Variants in FAM83B observed in about 807,000 individuals in gnomAD.
FAM83B encodes scaffolding CK1 anchoring protein B.
FAM83B carries 26 observed loss-of-function variants against 38.8 expected under a neutral mutation model. The ratio of observed to expected loss-of-function variants is 0.67; its 90% CI spans 0.49 to 0.93. The LOEUF (loss-of-function observed/expected upper bound fraction) is 0.93, where lower values mean the gene tolerates loss of function less well. Ranked by LOEUF, FAM83B falls within the 40% of genes least tolerant of loss-of-function variation. The probability of loss-of-function intolerance (pLI) is 0.00; values close to 1 mark genes in which losing one functional copy is unlikely to be tolerated. For synonymous variants in FAM83B, 419 were observed against 423.1 expected (o/e 0.99, Z 0.12); for missense variants, 1,237 against 1,197.3 (o/e 1.03, Z -0.49).
At chr6:54,854,936 A>G (rs1232097196) in intron 1 of FAM83B, among the ~76,000 whole-genome samples, 2 of 152,202 alleles carry the variant, frequency 1.3e-5, no homozygotes, top group African/African-American at 4.8e-5. Flanking sequence ...TTCACAATGG[A>G]ACACGTGTGC....
chr6:54,888,720 G>A (rs1226540845), intron 2 of FAM83B, among the ~76,000 whole-genome samples: 1 of 151,756 alleles, frequency 6.6e-6, no homozygotes. Context: ...GTAACTAGGG[G>A]AACAGTTTTT....
chr6:54,847,201 G>A (rs1771158901), intron 1 of FAM83B, among the ~76,000 whole-genome samples: 1 of 151,522 alleles, frequency 6.6e-6, no homozygotes, highest in African/African-American at 2.4e-5. Flanking sequence ...CCCCGGGAGG[G>A]GAAGCGGGAG....
intron 2 of FAM83B, among the ~76,000 whole-genome samples, chr6:54,883,395 G>A (rs1324243987): frequency 1.3e-5 from 2 of 148,206 alleles, no homozygotes; most frequent in African/African-American, 5.0e-5. Context: ...AGTGCAATGG[G>A]GCAATCTTGG....
chr6:54,908,131 GAAAA>G (rs200867108), intron 2 of FAM83B, among the ~76,000 whole-genome samples: 6 of 138,988 alleles, frequency 4.3e-5, no homozygotes, highest in Non-Finnish European at 7.9e-5. Flanking sequence ...GGATTTCATG[GAAAA>G]AAAAAAAAAA....
chr6:54,875,041 G>T lies in FAM83B; in HGVS notation c.444+4351G>T, dbSNP rs554114728. On this transcript the variant is annotated intron_variant, in intron 2 of 4. Coordinates refer to ENST00000306858, the MANE Select transcript of FAM83B (RefSeq NM_001010872.3). ...AGCTGATATTATAAAAGTAGAACTA[G>T]AATAGAGACTTTGTCACCAGGACTC... 2.0e-5 allele frequency among the ~76,000 whole-genome samples: 3 copies of T among 152,254 alleles called. No individual in the cohort carries two copies. In the South Asian group the frequency reaches 6.2e-4, roughly 32 times the overall value.
chr6:54,939,885 C>T lies in FAM83B; in HGVS notation c.914C>T (p.Thr305Ile), dbSNP rs1466251253. Residue 305 changes from threonine (T) to isoleucine (I), a missense_variant, in exon 5 of 5, where the codon ACT becomes ATT. By Grantham distance (89) the Thr-to-Ile change is moderately conservative. Coordinates refer to ENST00000306858, the MANE Select transcript of FAM83B (RefSeq NM_001010872.3). ...KHGKALWENG[T>I]YQHSVSSLAS... ...GGAAAAGCCCTCTGGGAAAATGGCA[C>T]TTACCAGCATTCGGTGTCTTCATTA... The T allele has an allele frequency of 5.0e-6, 8 of 1,613,888 alleles. No individual in the cohort carries two copies. Among genetic ancestry groups the T allele is most frequent in the Non-Finnish European group, 6.8e-6 (8 of 1,179,984 alleles).
At chr6:54,870,131 A>C in intron 1 of FAM83B, 56 bp from the exon 2 acceptor site, 1 of 771,442 alleles carries the variant, frequency 1.3e-6, no homozygotes, top group South Asian at 1.8e-5. Flanking sequence ...TGTATCATAA[A>C]ACATTCTGTT....
intron 2 of FAM83B, among the ~76,000 whole-genome samples, chr6:54,922,432 C>A (rs1262525650): frequency 1.3e-5 from 2 of 151,654 alleles, no homozygotes; most frequent in Non-Finnish European, 2.9e-5. Context: ...AATCTTAATG[C>A]CTATATATCA....
upstream of FAM83B, among the ~76,000 whole-genome samples, chr6:54,846,456 G>C (rs1362867105): frequency 2.0e-5 from 3 of 152,240 alleles, no homozygotes; most frequent in African/African-American, 7.2e-5. Flanking sequence ...CAGGAGCAGG[G>C]TGTCGGGACT....
At chr6:54,939,048 A>T (rs1773593267) in intron 4 of FAM83B, among the ~76,000 whole-genome samples, 1 of 152,094 alleles carries the variant, frequency 6.6e-6, no homozygotes, top group Non-Finnish European at 1.5e-5. Context: ...TAAGGTGAGA[A>T]GTGAGGATCC....
intron 4 of FAM83B, among the ~76,000 whole-genome samples, chr6:54,938,521 C>T (rs1301359157): frequency 6.6e-6 from 1 of 152,096 alleles, no homozygotes; most frequent in East Asian, 1.9e-4. Context: ...ACATGCATGC[C>T]AATGTCTATT....
rs116573183 is a variant in FAM83B at position 54,923,110 on chromosome 6, C to T, written c.445-3261C>T. On this transcript the variant is annotated intron_variant, in intron 2 of 4. Transcript: ENST00000306858. ...AACTAGCTTCAACAATTATCATTCACGGCCATTTTTTTCATCCATTATAAT... is the reference window on the plus strand; with the variant it reads ...AACTAGCTTCAACAATTATCATTCATGGCCATTTTTTTCATCCATTATAAT... 7.7e-3 allele frequency among the ~76,000 whole-genome samples: 1,176 copies of T among 152,082 alleles called. 15 individuals are homozygous for T. Among genetic ancestry groups the T allele is most frequent in the African/African-American group, 0.026 (1,097 of 41,488 alleles).
At chr6:54,857,449 C>G (rs988019084) in intron 1 of FAM83B, among the ~76,000 whole-genome samples, 1 of 152,076 alleles carries the variant, frequency 6.6e-6, no homozygotes, top group Non-Finnish European at 1.5e-5. Flanking sequence ...CCCTGCTTCC[C>G]GTGGTGTTCA....
chr6:54,925,173 A>G (rs1028050433), intron 2 of FAM83B, among the ~76,000 whole-genome samples: 2 of 152,132 alleles, frequency 1.3e-5, no homozygotes, highest in African/African-American at 2.4e-5. Flanking sequence ...TTTAAATTCT[A>G]TTCAAAGGAC....
At chr6:54,937,495 A>G (rs1773550009) in intron 4 of FAM83B, among the ~76,000 whole-genome samples, 1 of 152,138 alleles carries the variant, frequency 6.6e-6, no homozygotes, top group Admixed American at 6.6e-5. Context: ...TGATTGAGGC[A>G]GCTGGCCACA....
intron 2 of FAM83B, among the ~76,000 whole-genome samples, chr6:54,898,893 T>G (rs1323315492): frequency 2.0e-5 from 3 of 152,296 alleles, no homozygotes; most frequent in South Asian, 2.1e-4. Flanking sequence ...GTGTTCCTTT[T>G]GACTTCTTCT....
At chr6:54,893,294 T>A (rs1207853356) in intron 2 of FAM83B, among the ~76,000 whole-genome samples, 1 of 152,190 alleles carries the variant, frequency 6.6e-6, no homozygotes, top group East Asian at 1.9e-4. Context: ...AAGATAATAT[T>A]TCTCCTGAGA....
chr6:54,865,080 G>A (rs1220538712), intron 1 of FAM83B, among the ~76,000 whole-genome samples: 3 of 152,100 alleles, frequency 2.0e-5, no homozygotes, highest in Non-Finnish European at 4.4e-5. Flanking sequence ...CAAAATAAAA[G>A]CATTTTTGTA....
chr6:54,914,875 G>A (rs1772999858), intron 2 of FAM83B, among the ~76,000 whole-genome samples: 1 of 151,964 alleles, frequency 6.6e-6, no homozygotes, highest in Non-Finnish European at 1.5e-5. Context: ...CCCTACTCTG[G>A]TTCCCATTTC....
Sources: allele counts gnomAD v4.1 joint callset (sites outside exome capture counted in the v4.1 genomes callset), GRCh38; gene constraint gnomAD v4.1.1; transcripts MANE v1.5; gene names NCBI Gene and HGNC (gene_info 2026-07-23, HGNC 2026-07-21).